Variants in CNTNAP2 observed in about 807,000 individuals in gnomAD.
CNTNAP2 encodes contactin-associated protein-like 2.
In CNTNAP2, 98 loss-of-function variants were observed where a neutral mutation model predicts 155.2. That is an observed-to-expected ratio of 0.63 (90% CI 0.54 to 0.75). CNTNAP2 has a LOEUF of 0.75. Among genes scored for constraint, CNTNAP2 ranks in the 30% least tolerant of loss-of-function variants. CNTNAP2 has a pLI of 0.00. For synonymous variants in CNTNAP2, 651 were observed against 631.2 expected (o/e 1.03, Z -0.47); for missense variants, 1,727 against 1,688.1 (o/e 1.02, Z -0.40).
rs116543882 is a variant in CNTNAP2 at position 146,842,553 on chromosome 7, C to T, written c.402+2649C>T. On this transcript the variant is annotated intron_variant, in intron 3 of 23. Coordinates refer to ENST00000361727, the MANE Select transcript of CNTNAP2 (RefSeq NM_014141.6). ...GAAGAAAAGAGTTTTGATTGACTCA[C>T]GTTTCCACAGGCTGTATAGGAAGCA... 3.7e-3 allele frequency among the ~76,000 whole-genome samples: 563 copies of T among 152,204 alleles called. 6 individuals are homozygous for T. Among genetic ancestry groups the T allele is most frequent in the African/African-American group, 0.013 (536 of 41,488 alleles).
Position 148,145,038 on chromosome 7 carries a change from T to C in CNTNAP2, c.2555-2453T>C, listed in dbSNP as rs562450636. On this transcript the variant is annotated intron_variant, in intron 16 of 23. Coordinates refer to ENST00000361727, the MANE Select transcript of CNTNAP2 (RefSeq NM_014141.6). ...CAATGTCAGGGAAGCTGACATTGAG[T>C]GGCTGAGAAAAAAGAGCCCTTTCCT... Among the ~76,000 whole-genome samples the C allele has an allele frequency of 2.8e-4, 42 of 152,174 alleles. No individual in the cohort carries two copies. In the South Asian group the frequency reaches 8.5e-3, roughly 31 times the overall value.
chr7:147,126,613 A>G (rs2129283988), intron 6 of CNTNAP2, among the ~76,000 whole-genome samples: 1 of 152,252 alleles, frequency 6.6e-6, no homozygotes, highest in South Asian at 2.1e-4. Context: ...AGCTGGGATT[A>G]CAGGCATGCA....
chr7:147,431,121 T>C (rs1461030704), intron 10 of CNTNAP2, among the ~76,000 whole-genome samples: 1 of 151,590 alleles, frequency 6.6e-6, no homozygotes, highest in Non-Finnish European at 1.5e-5. Flanking sequence ...GAAGCGCAGG[T>C]CATATGGTAT....
Position 148,275,255 on chromosome 7 carries a change from A to C in CNTNAP2, c.3475+8129A>C, listed in dbSNP as rs58671845. Among the ~76,000 whole-genome samples the C allele has an allele frequency of 4.6e-3, 698 of 152,316 alleles. 6 individuals carry two copies. Among genetic ancestry groups the C allele is most frequent in the African/African-American group, 0.016 (647 of 41,562 alleles). ...AGAAGGTAATGGAAAGTCAATTAGA[A>C]GTAAAAAGACAAGAGGGTGGGATAA... On this transcript the variant is annotated intron_variant, in intron 21 of 23. Transcript: ENST00000361727.
intron 21 of CNTNAP2, among the ~76,000 whole-genome samples, chr7:148,294,140 C>G (rs1450058225): frequency 6.6e-6 from 1 of 151,600 alleles, no homozygotes; most frequent in Non-Finnish European, 1.5e-5. Context: ...GTATGCCATG[C>G]CTCGAGCCCT....
intron 1 of CNTNAP2, among the ~76,000 whole-genome samples, chr7:146,610,977 T>C (rs1349059141): frequency 6.6e-6 from 1 of 152,170 alleles, no homozygotes; most frequent in African/African-American, 2.4e-5. Context: ...GAATCTGAAA[T>C]TTAAAACAAG....
intron 12 of CNTNAP2, among the ~76,000 whole-genome samples, chr7:147,582,166 A>G (rs1023435835): frequency 2.0e-5 from 3 of 152,128 alleles, no homozygotes; most frequent in Admixed American, 2.0e-4. Flanking sequence ...AAATTAGCTT[A>G]GTATCTTCAA....
intron 1 of CNTNAP2, among the ~76,000 whole-genome samples, chr7:146,297,925 T>TC (rs1800542391): frequency 2.0e-5 from 3 of 152,192 alleles, no homozygotes. Flanking sequence ...AAAACTTTAT[T>TC]ATATGAACTG....
intron 11 of CNTNAP2, among the ~76,000 whole-genome samples, chr7:147,539,851 C>A (rs1447496973): frequency 6.6e-6 from 1 of 152,196 alleles, no homozygotes; most frequent in African/African-American, 2.4e-5. Context: ...ATACTGACTT[C>A]TACTGAGAGG....
chr7:146,237,502 T>A (rs1335732754), intron 1 of CNTNAP2, among the ~76,000 whole-genome samples: 1 of 152,246 alleles, frequency 6.6e-6, no homozygotes, highest in East Asian at 1.9e-4. Context: ...AGTTACATGA[T>A]CTTCACATAC....
At chr7:146,711,106 GCA>G (rs910179732) in intron 1 of CNTNAP2, among the ~76,000 whole-genome samples, 4 of 149,622 alleles carry the variant, frequency 2.7e-5, no homozygotes, top group Non-Finnish European at 4.5e-5. Flanking sequence ...TCCTGTATAT[GCA>G]CACACACACA....
At chr7:148,131,532 C>T (rs1804832078) in intron 16 of CNTNAP2, among the ~76,000 whole-genome samples, 1 of 152,132 alleles carries the variant, frequency 6.6e-6, no homozygotes, top group Admixed American at 6.6e-5. Context: ...AACAGACCCT[C>T]TAAGAGAAGA....
At chr7:146,524,127 G>A (rs1255162977) in intron 1 of CNTNAP2, among the ~76,000 whole-genome samples, 1 of 152,098 alleles carries the variant, frequency 6.6e-6, no homozygotes, top group Non-Finnish European at 1.5e-5. Context: ...ATGCGAGTTT[G>A]TCAAATGCCT....
At chr7:147,524,349 C>T (rs62481289) in intron 11 of CNTNAP2, among the ~76,000 whole-genome samples, 3,048 of 152,252 alleles carry the variant, frequency 0.02, 60 homozygotes, top group Non-Finnish European at 0.035. Flanking sequence ...GAGATCACAC[C>T]ATTGCACTCC....
At chr7:148,158,885 T>C (rs1585157935) in intron 17 of CNTNAP2, among the ~76,000 whole-genome samples, 2 of 152,194 alleles carry the variant, frequency 1.3e-5, no homozygotes, top group Non-Finnish European at 2.9e-5. Context: ...TGAACTAAAC[T>C]TCATGATAAT....
At chr7:146,721,890 T>TATATATATATA (rs1491454260) in intron 1 of CNTNAP2, among the ~76,000 whole-genome samples, 21 of 75,506 alleles carry the variant, frequency 2.8e-4, no homozygotes, top group African/African-American at 8.8e-4. Flanking sequence ...TATATATATA[T>TATATATATATA]TTTTTTTTTT....
intron 3 of CNTNAP2, among the ~76,000 whole-genome samples, chr7:147,028,586 T>C (rs545079743): frequency 6.6e-6 from 1 of 152,252 alleles, no homozygotes; most frequent in Admixed American, 6.5e-5. Context: ...ATTTGTCCCC[T>C]GTTAGACTGT....
chr7:147,129,085 A>G (rs561596811), intron 7 of CNTNAP2, among the ~76,000 whole-genome samples: 1 of 152,154 alleles, frequency 6.6e-6, no homozygotes, highest in African/African-American at 2.4e-5. Flanking sequence ...TGTTAGACTC[A>G]ATATTTCTGG....
chr7:146,471,577 C>A (rs1196497089), intron 1 of CNTNAP2, among the ~76,000 whole-genome samples: 1 of 152,214 alleles, frequency 6.6e-6, no homozygotes, highest in Non-Finnish European at 1.5e-5. Context: ...CTTGTGCCAG[C>A]ATAATGAATG....
Sources: allele counts gnomAD v4.1 joint callset (sites outside exome capture counted in the v4.1 genomes callset), GRCh38; gene constraint gnomAD v4.1.1; transcripts MANE v1.5; gene names NCBI Gene and HGNC (gene_info 2026-07-23, HGNC 2026-07-21).